Variants in C7 observed in about 807,000 individuals in gnomAD.
C7 encodes the protein complement component C7.
In C7, 83 loss-of-function variants were observed where a neutral mutation model predicts 104.8. That is an observed-to-expected ratio of 0.79 (90% confidence interval 0.66 to 0.95). The LOEUF is 0.95. C7 is among the 40% of genes least tolerant of loss of function. The probability of loss-of-function intolerance (pLI) is 0.00; values close to 1 mark genes in which losing one functional copy is unlikely to be tolerated. For synonymous variants in C7, 415 were observed against 360.6 expected (o/e 1.15, Z -1.71); for missense variants, 1,070 against 1,011.2 (o/e 1.06, Z -0.79).
At chr5:40,918,261 G>C (rs972213640) in intron 1 of C7, among the ~76,000 whole-genome samples, 1 of 152,052 alleles carries the variant, frequency 6.6e-6, no homozygotes, top group Non-Finnish European at 1.5e-5. Flanking sequence ...CACAAAGGCT[G>C]AGGTGGGAGC....
chr5:40,947,650 A>G lies in C7; in HGVS notation c.787A>G (p.Ile263Val), dbSNP rs200693616. The change falls in exon 8 of 18, where the codon ATT (isoleucine) becomes GTT (valine). Residue 263 changes from isoleucine to valine, a missense_variant. Physicochemically the swap from Ile to Val is conservative, Grantham distance 29. Transcript: ENST00000313164. ...VENTVEVAQF[I>V]NNNPEFLQLA... ...GAACACTGTTGAAGTGGCTCAGTTC[A>G]TTAATAACAATCCAGAATTTTTACA... 15 of 1,613,414 alleles carry G rather than the reference A, an allele frequency of 9.3e-6. No individual in the cohort carries two copies. Among genetic ancestry groups the G allele is most frequent in the African/African-American group, 1.3e-5 (1 of 74,906 alleles).
intron 9 of C7, among the ~76,000 whole-genome samples, chr5:40,954,158 GTTAA>G (rs1740236903): frequency 6.6e-6 from 1 of 152,072 alleles, no homozygotes; most frequent in South Asian, 2.1e-4. Context: ...ATAGATTCCT[GTTAA>G]TTAACAGCTT....
In C7 at chr5:40,967,154, C is replaced by T. The variant is rs973208979; in HGVS notation, c.1882+2281C>T. Among the ~76,000 whole-genome samples, 3 of 151,856 alleles carry T rather than the reference C, an allele frequency of 2.0e-5. No individual in the cohort carries two copies. In the East Asian group the frequency reaches 5.8e-4, roughly 30 times the overall value. ...GATCTTGCCTCACTGCAACCTCCGC[C>T]TCCTGGGTTCAAGCGATTCTCCTAT... On this transcript the variant is annotated intron_variant, in intron 14 of 17. Transcript: ENST00000313164.
In C7 at chr5:40,959,490, C is replaced by T. The variant is rs370428541; in HGVS notation, c.1531C>T (p.Pro511Ser). 14 of 1,611,132 alleles carry T rather than the reference C, an allele frequency of 8.7e-6. No individual in the cohort carries two copies. Among genetic ancestry groups the T allele is most frequent in the South Asian group, 3.3e-5 (3 of 90,684 alleles). The change falls in exon 12 of 18, where the codon CCC becomes TCC. Residue 511 changes from proline to serine, a missense_variant. Coordinates refer to ENST00000313164, the MANE Select transcript of C7 (RefSeq NM_000587.4). ...TTGGAGTTGCTGGTCCTCTTGGAGC[C>T]CCTGTGTCCAAGGGAAGAAAACAAG... ...GGWSCWSSWS[P>S]CVQGKKTRSR...
At chr5:40,922,430 A>T (rs1313785136) in intron 1 of C7, among the ~76,000 whole-genome samples, 1 of 146,316 alleles carries the variant, frequency 6.8e-6, no homozygotes, top group Non-Finnish European at 1.5e-5. Context: ...GCTTGGGCGC[A>T]GTGGCTCAGA....
Position 40,983,589 on chromosome 5 carries a change from G to C in C7, c.*2016G>C, listed in dbSNP as rs1741000181. Among the ~76,000 whole-genome samples, 1 of 152,136 alleles carries C rather than the reference G, an allele frequency of 6.6e-6. No individual in the cohort carries two copies. The highest frequency in any genetic ancestry group is 2.4e-5 in the African/African-American group (1 of 41,428). On this transcript the variant is annotated 3_prime_UTR_variant, in exon 18 of 18. Transcript: ENST00000313164. The stretch of plus-strand genomic sequence containing the variant: ...CTCCTTTTCTTTTCTGAACATTCTT[G>C]TGCTGACCTTTCCTCTAGTCCAACA...
chr5:40,920,624 C>A (rs371467158), intron 1 of C7, among the ~76,000 whole-genome samples: 57 of 151,060 alleles, frequency 3.8e-4, no homozygotes, highest in African/African-American at 1.4e-3. Context: ...TCACTGTCAC[C>A]ATTTTTATTC....
Position 40,959,547 on chromosome 5 carries a change from G to T in C7, c.1588G>T (p.Gly530Trp). Residue 530 changes from glycine (G) to tryptophan (W), a missense_variant, in exon 12 of 18, where the codon GGG (glycine) becomes TGG (tryptophan). Transcript: ENST00000313164. ...TGAATGCAATAACCCACCTCCCAGT[G>T]GGGGTGGGAGATCCTGCGTTGGAGA... ...SRECNNPPPS[G>W]GGRSCVGETT... 1 of 1,611,024 alleles carries T rather than the reference G, an allele frequency of 6.2e-7. No homozygotes were observed. The highest frequency in any genetic ancestry group is 1.1e-5 in the South Asian group (1 of 90,686).
At position 40,945,275 on chromosome 5, in the gene C7, C is replaced by T; in HGVS notation, c.645C>T (p.His215=). Reference sequence around the variant, plus strand: ...ATGTAAAACATACGTCGACAGAACACACATCATCTAGTCGGAAGCGCTCCT... The same window carrying T: ...ATGTAAAACATACGTCGACAGAACATACATCATCTAGTCGGAAGCGCTCCT... The part of the protein sequence containing the change: ...WSYVKHTSTE[H]TSSSRKRSFF... The change falls in exon 7 of 18, where the codon CAC becomes CAT. Residue 215 remains histidine (H), a synonymous_variant. Transcript: ENST00000313164. The T allele has an allele frequency of 1.9e-6, 3 of 1,598,232 alleles. No homozygotes were observed. Among genetic ancestry groups the T allele is most frequent in the Non-Finnish European group, 2.6e-6 (3 of 1,168,914 alleles).
chr5:40,953,438 C>T (rs1379022506), intron 9 of C7, among the ~76,000 whole-genome samples: 3 of 151,960 alleles, frequency 2.0e-5, no homozygotes, highest in African/African-American at 4.8e-5. Context: ...GTTAAGAGAT[C>T]GAGACCATTC....
At chr5:40,931,000 T>C in intron 2 of C7, 64 bp from the exon 3 acceptor site, 1 of 1,108,286 alleles carries the variant, frequency 9.0e-7, no homozygotes, top group Non-Finnish European at 1.4e-6. Flanking sequence ...GTTTTCACTA[T>C]TCTTTGTGTT....
rs907375063 is a variant in C7 at position 40,945,204 on chromosome 5, A to T, written c.574A>T (p.Ile192Leu). The change falls in exon 7 of 18, where the codon ATA (isoleucine) becomes TTA (leucine). Residue 192 changes from isoleucine (I) to leucine (L), a missense_variant. Transcript: ENST00000313164. ...NVLSYTFQVK[I>L]NNDFNYEFYN... ...TTTTTCATTTTCTTTGTAGGTGAAA[A>T]TAAATAATGATTTTAATTATGAATT... is the stretch of plus-strand genomic sequence containing the variant. 3 of 1,472,936 alleles carry T rather than the reference A, an allele frequency of 2.0e-6. No homozygotes were observed. The allele number at this position is 1,472,936 out of a possible 1,614,324, so 91.2% of individuals were successfully genotyped here. A position where few individuals can be genotyped will look rare whatever the true frequency, so the allele number is the denominator to read the frequency against.
chr5:40,921,373 C>G (rs324073), intron 1 of C7, among the ~76,000 whole-genome samples: 1 of 151,712 alleles, frequency 6.6e-6, no homozygotes, highest in African/African-American at 2.4e-5. Context: ...ATTAAAATAT[C>G]TATACTCCCC....
chr5:40,962,267 G>A (rs1019601603), intron 13 of C7, 95 bp downstream of exon 13: 21 of 673,116 alleles, frequency 3.1e-5, no homozygotes, highest in South Asian at 1.9e-4. Context: ...TGGTGAAGCC[G>A]TGCCAAAAAT....
At chr5:40,940,742 C>T (rs1739918316) in intron 6 of C7, among the ~76,000 whole-genome samples, 1 of 152,128 alleles carries the variant, frequency 6.6e-6, no homozygotes, top group Non-Finnish European at 1.5e-5. Context: ...AAGAGCTTTA[C>T]ATGGACCTAT....
Position 40,911,542 on chromosome 5 carries a change from G to A in C7, c.6+1926G>A, listed in dbSNP as rs898224782. On this transcript the variant is annotated intron_variant, in intron 1 of 17. Transcript: ENST00000313164. Reference sequence around the variant, plus strand: ...GGGCCTGTGAATCTAGGGAATGGTCGTCACAGTGCCCAAGCACAGTGATGG... The same window carrying A: ...GGGCCTGTGAATCTAGGGAATGGTCATCACAGTGCCCAAGCACAGTGATGG... 6.6e-5 allele frequency among the ~76,000 whole-genome samples: 10 copies of A among 152,142 alleles called. No individual in the cohort carries two copies. In the East Asian group the frequency reaches 1.5e-3, roughly 23 times the overall value.
intron 1 of C7, among the ~76,000 whole-genome samples, chr5:40,927,307 T>C (rs1261167299): frequency 4.0e-5 from 6 of 151,814 alleles, no homozygotes; most frequent in Non-Finnish European, 7.4e-5. Flanking sequence ...TTGAAAAAAA[T>C]CTAAGGGAAA....
chr5:40,925,926 T>C (rs1277593769), intron 1 of C7, among the ~76,000 whole-genome samples: 1 of 152,196 alleles, frequency 6.6e-6, no homozygotes, highest in African/African-American at 2.4e-5. Flanking sequence ...AGTGTTATCC[T>C]GATATCAAAG....
intron 9 of C7, among the ~76,000 whole-genome samples, chr5:40,953,849 C>T (rs1333265441): frequency 5.3e-5 from 2 of 38,042 alleles, no homozygotes; most frequent in Non-Finnish European, 9.0e-5. Context: ...ATCACATGCA[C>T]CCCATAAACA....
Sources: allele counts gnomAD v4.1 joint callset (sites outside exome capture counted in the v4.1 genomes callset), GRCh38; gene constraint gnomAD v4.1.1; transcripts MANE v1.5; gene names NCBI Gene and HGNC (gene_info 2026-07-23, HGNC 2026-07-21).